Variants in CSMD1 observed in about 807,000 individuals in gnomAD.
CSMD1 encodes CUB and Sushi multiple domains 1.
In CSMD1, 213 loss-of-function variants were observed where a neutral mutation model predicts 417.5. That is an observed-to-expected ratio of 0.51 (90% confidence interval 0.46 to 0.57). The LOEUF is 0.57. Ranked by LOEUF, CSMD1 falls within the 20% of genes least tolerant of loss-of-function variation. CSMD1 has a pLI of 0.00. For synonymous variants in CSMD1, 2,862 were observed against 1,736.8 expected (o/e 1.65, Z -16.11); for missense variants, 6,923 against 4,529.7 (o/e 1.53, Z -15.17).
At chr8:3,531,318 C>A (rs1797970993) in intron 10 of CSMD1, among the ~76,000 whole-genome samples, 1 of 152,136 alleles carries the variant, frequency 6.6e-6, no homozygotes, top group South Asian at 2.1e-4. Flanking sequence ...GTAATCAAAA[C>A]CTTTAACTAA....
intron 3 of CSMD1, among the ~76,000 whole-genome samples, chr8:4,137,231 A>G (rs17069111): frequency 0.037 from 5,638 of 152,262 alleles, 336 homozygotes; most frequent in African/African-American, 0.13. Context: ...TTAATTCTCC[A>G]TGATGCCTCT....
At chr8:3,003,080 C>T (rs596681) in intron 52 of CSMD1, among the ~76,000 whole-genome samples, 3 of 152,158 alleles carry the variant, frequency 2.0e-5, no homozygotes, top group South Asian at 2.1e-4. Flanking sequence ...TCCAGCCATC[C>T]GTTAATTCTG....
chr8:2,955,458 T>C, intron 64 of CSMD1, 131 bp downstream of exon 64: 1 of 773,598 alleles, frequency 1.3e-6, no homozygotes, highest in Non-Finnish European at 2.1e-6. Flanking sequence ...GAAGCACGAC[T>C]GAGGCAGGTG....
Position 3,372,255 on chromosome 8 carries a change from G to C in CSMD1, c.2783-2885C>G, listed in dbSNP as rs566383688. On this transcript the variant is annotated intron_variant, in intron 18 of 69. Transcript: ENST00000635120. ...AATTTGGGTAGAGAGAAAGTGGTTA[G>C]GACCAGGGCTCAAGCTACAGTGGAG... 2.0e-5 allele frequency among the ~76,000 whole-genome samples: 3 copies of C among 152,252 alleles called. No homozygotes were observed. In the East Asian group the frequency reaches 5.8e-4, roughly 30 times the overall value.
At chr8:4,517,140 T>A (rs753801399) in intron 2 of CSMD1, among the ~76,000 whole-genome samples, 37 of 152,226 alleles carry the variant, frequency 2.4e-4, no homozygotes, top group Admixed American at 4.6e-4. Flanking sequence ...AAGGAAAACA[T>A]GATTATAAGT....
At chr8:4,728,399 G>C (rs947789593) in intron 1 of CSMD1, among the ~76,000 whole-genome samples, 1 of 151,982 alleles carries the variant, frequency 6.6e-6, no homozygotes, top group African/African-American at 2.4e-5. Flanking sequence ...GGGGAGTTTA[G>C]TTTGGAGACT....
chr8:3,862,933 T>C (rs1804818146), intron 5 of CSMD1, among the ~76,000 whole-genome samples: 1 of 152,162 alleles, frequency 6.6e-6, no homozygotes, highest in Non-Finnish European at 1.5e-5. Context: ...TGGGGATTTT[T>C]AAACAGCAGA....
At chr8:3,820,465 T>A (rs7840128) in intron 5 of CSMD1, among the ~76,000 whole-genome samples, 9,056 of 152,312 alleles carry the variant, frequency 0.059, 569 homozygotes, top group African/African-American at 0.15. Flanking sequence ...TCCAACTTGA[T>A]ACCTTGTCCC....
rs75840011 is a variant in CSMD1, at chr8:3,283,215, G to A, written c.4153+929C>T. Among the ~76,000 whole-genome samples the A allele has an allele frequency of 4.9e-3, 741 of 152,178 alleles. 12 individuals are homozygous for A. Among genetic ancestry groups the A allele is most frequent in the African/African-American group, 0.017 (708 of 41,520 alleles). ...AAAAATTCACGGACCGTCCTGAACC[G>A]GGAAGTTGCAAGCAGAGAATCAAAG... On this transcript the variant is annotated intron_variant, in intron 26 of 69. Coordinates refer to ENST00000635120, the MANE Select transcript of CSMD1 (RefSeq NM_033225.6).
At chr8:3,998,519 A>G (rs1312165774) in intron 4 of CSMD1, among the ~76,000 whole-genome samples, 1 of 152,224 alleles carries the variant, frequency 6.6e-6, no homozygotes, top group Non-Finnish European at 1.5e-5. Context: ...CTTTGAGAAT[A>G]CTGTGCTCTT....
At chr8:4,213,616 T>C (rs1800455256) in intron 3 of CSMD1, among the ~76,000 whole-genome samples, 1 of 152,186 alleles carries the variant, frequency 6.6e-6, no homozygotes. Flanking sequence ...CTTTCTGTTT[T>C]TAATGAATTT....
At chr8:3,994,792 G>A (rs1008290749) in intron 5 of CSMD1, among the ~76,000 whole-genome samples, 9 of 152,174 alleles carry the variant, frequency 5.9e-5, no homozygotes, top group African/African-American at 1.2e-4. Context: ...AGCTCAGTGG[G>A]TAATTTCACT....
intron 10 of CSMD1, among the ~76,000 whole-genome samples, chr8:3,536,952 G>GAC (rs1563132534): frequency 1.3e-5 from 2 of 152,130 alleles, no homozygotes; most frequent in African/African-American, 4.8e-5. Flanking sequence ...TATTTACTGG[G>GAC]AGCTTTCACA....
chr8:4,688,997 A>G (rs1806583888), intron 1 of CSMD1, among the ~76,000 whole-genome samples: 1 of 152,260 alleles, frequency 6.6e-6, no homozygotes, highest in Non-Finnish European at 1.5e-5. Context: ...AGAGGAAGTT[A>G]TAGAACTAAA....
At chr8:4,164,852 G>A (rs762372461) in intron 3 of CSMD1, among the ~76,000 whole-genome samples, 3 of 147,246 alleles carry the variant, frequency 2.0e-5, no homozygotes, top group Non-Finnish European at 3.0e-5. Context: ...CTCCAAGCCT[G>A]AGCAACAGAG....
intron 3 of CSMD1, among the ~76,000 whole-genome samples, chr8:4,373,485 C>T (rs1244798503): frequency 6.6e-6 from 1 of 152,122 alleles, no homozygotes; most frequent in African/African-American, 2.4e-5. Flanking sequence ...CTAAAACTGT[C>T]CTAAAAAAGT....
intron 14 of CSMD1, 55 bp downstream of exon 14, chr8:3,407,844 G>A: frequency 1.4e-6 from 2 of 1,445,378 alleles, no homozygotes; most frequent in Non-Finnish European, 1.9e-6. Context: ...AAGCAAAATG[G>A]GAACATGTAA....
At chr8:3,902,036 T>C (rs528404143) in intron 5 of CSMD1, among the ~76,000 whole-genome samples, 3 of 152,178 alleles carry the variant, frequency 2.0e-5, no homozygotes, top group Non-Finnish European at 4.4e-5. Context: ...TTATACGTTG[T>C]TCTTCTTTTG....
intron 1 of CSMD1, among the ~76,000 whole-genome samples, chr8:4,794,121 A>G (rs1420208519): frequency 1.3e-5 from 2 of 152,228 alleles, no homozygotes; most frequent in Admixed American, 6.5e-5. Flanking sequence ...CTGTTCCCTC[A>G]TATAATGCTT....
Sources: allele counts gnomAD v4.1 joint callset (sites outside exome capture counted in the v4.1 genomes callset), GRCh38; gene constraint gnomAD v4.1.1; transcripts MANE v1.5; gene names NCBI Gene and HGNC (gene_info 2026-07-23, HGNC 2026-07-21).